Variants in CACNA1H observed in about 807,000 individuals in gnomAD.
The protein encoded by CACNA1H is voltage-dependent T-type calcium channel subunit alpha-1H.
CACNA1H carries 149 observed loss-of-function variants against 192.5 expected under a neutral mutation model. That is an observed-to-expected ratio of 0.77 (90% CI 0.68 to 0.89). The LOEUF is 0.89. Ranked by LOEUF, CACNA1H falls within the 40% of genes least tolerant of loss-of-function variation. The probability of loss-of-function intolerance (pLI) is 0.00; values close to 1 mark genes in which losing one functional copy is unlikely to be tolerated. For synonymous variants in CACNA1H, 2,202 were observed against 1,475.2 expected, an observed-to-expected ratio of 1.49 and a Z score of -11.29; for missense variants, 4,257 against 3,423.5, an observed-to-expected ratio of 1.24 and a Z score of -6.08.
At chr16:1,184,411 C>A in intron 2 of CACNA1H, among the ~76,000 whole-genome samples, 1 of 152,262 alleles carries the variant, frequency 6.6e-6, no homozygotes, top group East Asian at 1.9e-4. Flanking sequence ...TTGGCCTGGG[C>A]ACCTGCACAC....
chr16:1,213,823 C>A lies in CACNA1H; in HGVS notation c.4821C>A (p.Arg1607=). 6.3e-7 allele frequency: 1 copy of A among 1,588,574 alleles called. No individual in the cohort carries two copies. Among genetic ancestry groups the A allele is most frequent in the East Asian group, 2.3e-5 (1 of 43,796 alleles). ...ACTATGCCGACTACTCGCCCACGCG[C>A]CGCTCCATTCACTCGCTGTGCACCA... ...RPYYADYSPT[R]RSIHSLCTSH... The change falls in exon 27 of 35, where the codon CGC becomes CGA. Residue 1607 remains arginine (R), a synonymous_variant. Coordinates refer to ENST00000348261, the MANE Select transcript of CACNA1H (RefSeq NM_021098.3).
chr16:1,211,197 TG>T lies in CACNA1H; in HGVS notation c.4255del (p.Val1419TrpfsTer5). The T allele has an allele frequency of 6.2e-7, 1 of 1,612,922 alleles. No individual in the cohort carries two copies. The highest frequency in any genetic ancestry group is 8.5e-7 in the Non-Finnish European group (1 of 1,179,730). ...ATCAGCCGGGCCCCGGGCCTCAAGC[TG>T]GTGGTGGAGACGCTGATATCATCAC... ...RVISRAPGLK[L>X]VVETLISSLR... On this transcript the variant is annotated frameshift_variant, in exon 22 of 35. Transcript: ENST00000348261. LOFTEE classifies it high-confidence loss of function.
intron 2 of CACNA1H, among the ~76,000 whole-genome samples, chr16:1,176,844 A>G (rs1964938164): frequency 6.6e-6 from 1 of 151,704 alleles, no homozygotes; most frequent in African/African-American, 2.4e-5. Context: ...GCGTCTCTTC[A>G]CCCCAGGGGA....
In CACNA1H at chr16:1,153,983, C is replaced by T. The variant is rs1596271172; in HGVS notation, c.246C>T (p.Cys82=). ...YPALAATVFF[C]LGQTTRPRSW... is the part of the protein sequence containing the mutation. ...CCTTGGCGGCCACGGTCTTCTTCTG[C>T]CTCGGTCAGACCACGCGGCCGCGCA... Residue 82 remains cysteine (C), a synonymous_variant, in exon 2 of 35, where the codon TGC becomes TGT. Coordinates refer to ENST00000348261, the MANE Select transcript of CACNA1H (RefSeq NM_021098.3). The T allele has an allele frequency of 1.2e-5, 18 of 1,443,442 alleles. No homozygotes were observed. In the East Asian group the frequency reaches 4.6e-4, roughly 37 times the overall value. 89.4% of individuals were successfully genotyped at this position (1,443,442 alleles called of 1,614,324 possible).
At chr16:1,155,127 T>C (rs981756291) in intron 2 of CACNA1H, among the ~76,000 whole-genome samples, 25 of 152,224 alleles carry the variant, frequency 1.6e-4, no homozygotes, top group Admixed American at 9.8e-4. Flanking sequence ...GAGGAATCTG[T>C]ACAAAAAAAG....
Position 1,219,987 on chromosome 16 carries a change from G to A in CACNA1H, c.6055G>A (p.Val2019Met), listed in dbSNP as rs1227464116. The A allele has an allele frequency of 2.2e-6, 3 of 1,333,370 alleles. No homozygotes were observed. The highest frequency in any genetic ancestry group is 1.9e-6 in the Non-Finnish European group (2 of 1,038,370). 82.6% of individuals were successfully genotyped at this position (1,333,370 alleles called of 1,614,324 possible). The change falls in exon 35 of 35, where the codon GTG becomes ATG. Residue 2019 changes from valine (V) to methionine (M), a missense_variant. Physicochemically the swap from Val to Met is conservative, Grantham distance 21. Transcript: ENST00000348261. ...TGACTCTACGCCCCCACAGGAGGCT[G>A]TGCACACCGATTCCTTGGAAGGGAA... The part of the protein sequence containing the change: ...LSRLLCRQEA[V>M]HTDSLEGKID...
intron 5 of CACNA1H, among the ~76,000 whole-genome samples, chr16:1,197,294 C>T (rs946974290): frequency 3.3e-5 from 5 of 152,334 alleles, no homozygotes; most frequent in Admixed American, 1.3e-4. Context: ...GGTGAGGGGA[C>T]GCGTGTGTGG....
chr16:1,178,587 C>T (rs898071778), intron 2 of CACNA1H, among the ~76,000 whole-genome samples: 2 of 152,178 alleles, frequency 1.3e-5, no homozygotes, highest in Admixed American at 1.3e-4. Context: ...AGCATGGTCT[C>T]GGACTCCAGC....
chr16:1,177,508 C>T (rs1006951407), intron 2 of CACNA1H, among the ~76,000 whole-genome samples: 3 of 152,264 alleles, frequency 2.0e-5, no homozygotes, highest in South Asian at 4.1e-4. Context: ...GAATTCTGAC[C>T]GGGGCAGAGA....
In CACNA1H at chr16:1,204,413, C is replaced by T. The variant is rs745614463; in HGVS notation, c.2406C>T (p.Ala802=). Residue 802 remains alanine, a synonymous_variant, in exon 10 of 35, where the codon GCC becomes GCT. Coordinates refer to ENST00000348261, the MANE Select transcript of CACNA1H (RefSeq NM_021098.3). ...ACTTCAGCCGTGGCATCATGATGGCCATCCTTGTCAACACGCTGAGCATGG... is the reference window on the plus strand; with the variant it reads ...ACTTCAGCCGTGGCATCATGATGGCTATCCTTGTCAACACGCTGAGCATGG... ...SKYFSRGIMM[A]ILVNTLSMGV... The T allele has an allele frequency of 8.4e-6, 13 of 1,551,804 alleles. No individual in the cohort carries two copies. The Admixed American group carries it at 1.3e-4, about 16-fold the overall frequency.
intron 11 of CACNA1H, among the ~76,000 whole-genome samples, chr16:1,205,624 C>G (rs1388754275): frequency 2.0e-5 from 3 of 152,260 alleles, no homozygotes; most frequent in Non-Finnish European, 1.5e-5. Context: ...ATCCTGCTTG[C>G]TGCTGGAGGA....
chr16:1,171,229 C>T (rs1964338293), intron 2 of CACNA1H, among the ~76,000 whole-genome samples: 2 of 152,108 alleles, frequency 1.3e-5, no homozygotes, highest in Non-Finnish European at 2.9e-5. Context: ...GGATCACCTC[C>T]TCGTGGGGAG....
chr16:1,212,474 CGCCCTCG>C, intron 25 of CACNA1H, 30 bp from the exon 26 acceptor site: 1 of 1,601,604 alleles, frequency 6.2e-7, no homozygotes. Flanking sequence ...GAGTGCGCCA[CGCCCTCG>C]GCCCTCAGAC....
At chr16:1,195,363 G>A in intron 3 of CACNA1H, 69 bp from the exon 4 acceptor site, 3 of 1,542,230 alleles carry the variant, frequency 1.9e-6, no homozygotes, top group Non-Finnish European at 2.6e-6. Flanking sequence ...GGCTCTTGCG[G>A]GGCTGGGGTT....
intron 2 of CACNA1H, among the ~76,000 whole-genome samples, chr16:1,170,386 G>C (rs1245864324): frequency 6.6e-6 from 1 of 152,224 alleles, no homozygotes; most frequent in Non-Finnish European, 1.5e-5. Context: ...GGAATCCGGG[G>C]TAACACTGGG....
chr16:1,205,976 C>T (rs1050957727), intron 11 of CACNA1H, 128 bp from the exon 12 acceptor site: 95 of 831,464 alleles, frequency 1.1e-4, no homozygotes, highest in Non-Finnish European at 1.5e-4. Context: ...GCAGCCATAC[C>T]CTCTCCCATC....
chr16:1,214,132 C>G (rs1325581223), intron 27 of CACNA1H, among the ~76,000 whole-genome samples: 1 of 152,190 alleles, frequency 6.6e-6, no homozygotes, highest in Non-Finnish European at 1.5e-5. Flanking sequence ...CCTCCCCAAC[C>G]TGGCCGTGAG....
chr16:1,168,943 G>A lies in CACNA1H; in HGVS notation c.299+14907G>A, dbSNP rs938374255. ...AGCCTCTAGGAGGTGGGCTGGGGCCGCCCCCTGCCCGCCTGGGGTGAGTCT... is the reference window on the plus strand; with the variant it reads ...AGCCTCTAGGAGGTGGGCTGGGGCCACCCCCTGCCCGCCTGGGGTGAGTCT... On this transcript the variant is annotated intron_variant, in intron 2 of 34. Coordinates refer to ENST00000348261, the MANE Select transcript of CACNA1H (RefSeq NM_021098.3). 5.3e-5 allele frequency among the ~76,000 whole-genome samples: 8 copies of A among 152,246 alleles called. No individual in the cohort carries two copies. In the East Asian group the frequency reaches 7.8e-4, roughly 15 times the overall value.
chr16:1,167,045 C>T lies in CACNA1H; in HGVS notation c.299+13009C>T, dbSNP rs1396070217. On this transcript the variant is annotated intron_variant, in intron 2 of 34. Coordinates refer to ENST00000348261, the MANE Select transcript of CACNA1H (RefSeq NM_021098.3). This position sits in a 1 kb window ranked among gnomAD's most constrained non-coding sequence, Gnocchi z 4.2. The stretch of plus-strand genomic sequence containing the variant: ...CTGTTGACCCACCTCTCGCCCCCAG[C>T]TTTTGGGTCCCTGAGTGGTGGTTCA... 6.6e-6 allele frequency among the ~76,000 whole-genome samples: 1 copy of T among 152,350 alleles called. No individual in the cohort carries two copies. The highest frequency in any genetic ancestry group is 1.5e-5 in the Non-Finnish European group (1 of 68,036).
Sources: gnomAD v4.1 joint callset for allele counts (sites outside exome capture counted in the v4.1 genomes callset) on GRCh38, gnomAD v4.1.1 for gene constraint, Gnocchi (gnomAD v3.1) non-coding constraint, MANE v1.5 for transcripts, NCBI Gene and HGNC (gene_info 2026-07-23, HGNC 2026-07-21) for gene names.